The following RUFY1 variants were observed in gnomAD, a reference collection of about 807,000 sequenced individuals.
RUFY1 encodes RUN and FYVE domain-containing protein 1.
In RUFY1, 54 loss-of-function variants were observed where a neutral mutation model predicts 94.6. The observed-to-expected ratio is 0.57, with a 90% CI of 0.46 to 0.72. The LOEUF is 0.72. Among genes scored for constraint, RUFY1 ranks in the 30% least tolerant of loss-of-function variants. The probability of loss-of-function intolerance (pLI) is 0.00; values close to 1 mark genes in which losing one functional copy is unlikely to be tolerated. For synonymous variants in RUFY1, 396 were observed against 347.3 expected (o/e 1.14, Z -1.56); for missense variants, 883 against 883.9 (o/e 1.00, Z 0.01).
At position 179,605,932 on chromosome 5, in the gene RUFY1, CT is replaced by C; in HGVS notation, c.1905+10del. 6.3e-7 allele frequency: 1 copy of C among 1,595,112 alleles called. No individual in the cohort carries two copies. Among genetic ancestry groups the C allele is most frequent in the Admixed American group, 1.7e-5 (1 of 59,858 alleles). On this transcript the variant is annotated intron_variant, in intron 16 of 17. Coordinates refer to ENST00000319449, the MANE Select transcript of RUFY1 (RefSeq NM_025158.5). ...GTGAACCAGGCACTGAAGGTACTGCCTTGCTAAGAACCACTTCTTTGCTGTC... is the reference window on the plus strand; with the variant it reads ...GTGAACCAGGCACTGAAGGTACTGCCTGCTAAGAACCACTTCTTTGCTGTC...
intron 1 of RUFY1, among the ~76,000 whole-genome samples, chr5:179,557,884 C>T (rs563595238): frequency 3.3e-5 from 5 of 152,066 alleles, no homozygotes; most frequent in Non-Finnish European, 7.4e-5. Flanking sequence ...AGGGCGACAC[C>T]ACCTCCATTT....
intron 10 of RUFY1, 30 bp from the exon 11 acceptor site, chr5:179,593,448 T>C (rs769514945): frequency 1.3e-6 from 2 of 1,578,698 alleles, no homozygotes; most frequent in Non-Finnish European, 1.7e-6. Flanking sequence ...TCTATTTTAA[T>C]AACATTTTCC....
chr5:179,584,334 C>A (rs747835955), intron 7 of RUFY1, among the ~76,000 whole-genome samples: 11 of 152,140 alleles, frequency 7.2e-5, no homozygotes, highest in Admixed American at 3.3e-4. Context: ...GAGCCAGATT[C>A]CCTGGGTTCA....
intron 16 of RUFY1, 189 bp downstream of exon 16, chr5:179,606,113 C>T: frequency 6.7e-6 from 4 of 596,006 alleles, no homozygotes; most frequent in South Asian, 6.2e-5. Context: ...GACAGGTGGC[C>T]GAAGCTGAGC....
chr5:179,552,677 C>T (rs953297252), intron 1 of RUFY1, among the ~76,000 whole-genome samples: 2 of 152,120 alleles, frequency 1.3e-5, no homozygotes, highest in Non-Finnish European at 2.9e-5. Flanking sequence ...TTAGATATTT[C>T]GTGGCAGGAG....
chr5:179,559,675 G>T (rs1762289597), intron 1 of RUFY1: 2 of 1,035,082 alleles, frequency 1.9e-6, no homozygotes, highest in Admixed American at 5.6e-5. Flanking sequence ...CCTGTAGGTA[G>T]CGCCCTTCCA....
intron 13 of RUFY1, chr5:179,598,348 G>T: frequency 3.6e-6 from 1 of 275,312 alleles, no homozygotes; most frequent in South Asian, 3.9e-5. Flanking sequence ...GGGTGACAGA[G>T]CTAGACCCTG....
At chr5:179,557,978 G>T (rs1405115175) in intron 1 of RUFY1, among the ~76,000 whole-genome samples, 1 of 152,116 alleles carries the variant, frequency 6.6e-6, no homozygotes, top group Non-Finnish European at 1.5e-5. Flanking sequence ...TTAGAGGGAG[G>T]AGAAAGAGTG....
At position 179,609,603 on chromosome 5, in the gene RUFY1, A is replaced by G. The variant is rs1010718968; in HGVS notation, c.*84A>G. On this transcript the variant is annotated 3_prime_UTR_variant, in exon 18 of 18. Transcript: ENST00000319449. ...GGCTTGGGAAATGTGTTCTTTCCCA[A>G]GAGTATCAAAGGAAAGAATCAAATT... 1 of 1,322,078 alleles carries G rather than the reference A, an allele frequency of 7.6e-7. No individual in the cohort carries two copies. Among genetic ancestry groups the G allele is most frequent in the African/African-American group, 1.5e-5 (1 of 67,048 alleles). The allele number at this position is 1,322,078 out of a possible 1,614,324, so 81.9% of individuals were successfully genotyped here.
chr5:179,576,619 C>T (rs1028946586), intron 5 of RUFY1, among the ~76,000 whole-genome samples: 2 of 151,998 alleles, frequency 1.3e-5, no homozygotes, highest in African/African-American at 4.8e-5. Context: ...CAGGGTTTCA[C>T]CATGCTGGCC....
intron 5 of RUFY1, among the ~76,000 whole-genome samples, chr5:179,573,730 G>A (rs1056421962): frequency 2.0e-5 from 3 of 151,962 alleles, no homozygotes; most frequent in African/African-American, 7.3e-5. Context: ...CACTATGTTG[G>A]CCAGGCTGGT....
intron 6 of RUFY1, 91 bp downstream of exon 6, chr5:179,577,227 A>G (rs1220677869): frequency 1.3e-6 from 1 of 791,740 alleles, no homozygotes; most frequent in African/African-American, 2.2e-5. Flanking sequence ...GCTGGAGTCC[A>G]GTGGCACAGT....
At chr5:179,608,764 A>T in intron 17 of RUFY1, 1 of 397,082 alleles carries the variant, frequency 2.5e-6, no homozygotes, top group Non-Finnish European at 3.4e-6. Context: ...CATCATCTCT[A>T]CTAAAAAAAT....
intron 1 of RUFY1, among the ~76,000 whole-genome samples, chr5:179,557,656 G>A (rs539820445): frequency 5.3e-5 from 8 of 152,010 alleles, no homozygotes; most frequent in Non-Finnish European, 8.8e-5. Context: ...TTTAATTTAC[G>A]GAAAATGGCC....
At chr5:179,592,553 TTTTATAAATC>T (rs1202821671) in intron 10 of RUFY1, among the ~76,000 whole-genome samples, 1 of 152,184 alleles carries the variant, frequency 6.6e-6, no homozygotes, top group Admixed American at 6.5e-5. Context: ...CGCCTGGCCA[TTTTATAAATC>T]TTTACAGGGA....
intron 5 of RUFY1, among the ~76,000 whole-genome samples, chr5:179,575,371 C>T (rs1235845275): frequency 6.6e-6 from 1 of 152,040 alleles, no homozygotes; most frequent in African/African-American, 2.4e-5. Context: ...CTGAGAAGAC[C>T]AAGGAACTGG....
chr5:179,596,601 G>C lies in RUFY1; in HGVS notation c.1551G>C (p.Glu517Asp). ...AGCGGGCGAGGCAGGGGGCTGAGGA[G>C]CGGAGCCACAAGCTGCAGCAGGAGC... Reference protein sequence around the residue: ...HSERARQGAEERSHKLQQELG... With the variant: ...HSERARQGAEDRSHKLQQELG... The change falls in exon 13 of 18, where the codon GAG becomes GAC. Residue 517 changes from glutamate (E) to aspartate (D), a missense_variant. Coordinates refer to ENST00000319449, the MANE Select transcript of RUFY1 (RefSeq NM_025158.5). 6.2e-7 allele frequency: 1 copy of C among 1,613,384 alleles called. No individual in the cohort carries two copies. Among genetic ancestry groups the C allele is most frequent in the Non-Finnish European group, 8.5e-7 (1 of 1,179,992 alleles).
In RUFY1 at chr5:179,577,120, C is replaced by G; in HGVS notation, c.874C>G (p.Leu292Val). The G allele has an allele frequency of 8.1e-7, 1 of 1,229,618 alleles. No individual in the cohort carries two copies. Among genetic ancestry groups the G allele is most frequent in the Non-Finnish European group, 1.1e-6 (1 of 881,310 alleles). The allele number at this position is 1,229,618 out of a possible 1,614,324, so 76.2% of individuals were successfully genotyped here. The stretch of plus-strand genomic sequence containing the variant: ...CCTCTACCTTAAGGATGTGCAGGAT[C>G]TTGATGGTGGCAAGGAGTAAGTACT... ...FSLYLKDVQD[L>V]DGGKEHERIT... The change falls in exon 6 of 18, where the codon CTT becomes GTT. Residue 292 changes from leucine to valine, a missense_variant. Transcript: ENST00000319449.
At chr5:179,575,875 G>A (rs1342484684) in intron 5 of RUFY1, among the ~76,000 whole-genome samples, 4 of 151,806 alleles carry the variant, frequency 2.6e-5, no homozygotes, top group Non-Finnish European at 5.9e-5. Flanking sequence ...TTAACCTCCT[G>A]GGCTCAAGCA....
Sources: gnomAD v4.1 joint callset for allele counts (sites outside exome capture counted in the v4.1 genomes callset) on GRCh38, gnomAD v4.1.1 for gene constraint, MANE v1.5 for transcripts, NCBI Gene and HGNC (gene_info 2026-07-23, HGNC 2026-07-21) for gene names.